NAE1: variants seen among roughly 807,000 people sequenced by gnomAD.
The protein encoded by NAE1 is NEDD8-activating enzyme E1 regulatory subunit.
In NAE1, 59 loss-of-function variants were observed where a neutral mutation model predicts 88.0. The ratio of observed to expected loss-of-function variants is 0.67; its 90% CI spans 0.54 to 0.83. The LOEUF (loss-of-function observed/expected upper bound fraction) is 0.83, where lower values mean the gene tolerates loss of function less well. Among genes scored for constraint, NAE1 ranks in the 40% least tolerant of loss-of-function variants. The probability of loss-of-function intolerance (pLI) is 0.00; values close to 1 mark genes in which losing one functional copy is unlikely to be tolerated. For synonymous variants in NAE1, 186 were observed against 208.9 expected (o/e 0.89, Z 0.95); for missense variants, 554 against 632.8 (o/e 0.88, Z 1.34).
chr16:66,830,691 G>A (rs1356224589), intron 1 of NAE1, among the ~76,000 whole-genome samples, 156 bp downstream of exon 1: 4 of 152,206 alleles, frequency 2.6e-5, no homozygotes, highest in Non-Finnish European at 5.9e-5. Context: ...GCCCAGGGCG[G>A]GAGCTCCGAG....
chr16:66,821,169 T>A (rs531372056), intron 7 of NAE1, among the ~76,000 whole-genome samples: 1 of 152,256 alleles, frequency 6.6e-6, no homozygotes, highest in Non-Finnish European at 1.5e-5. Flanking sequence ...ATGCCCAATG[T>A]GGGTTAGGGG....
intron 11 of NAE1, among the ~76,000 whole-genome samples, chr16:66,815,023 G>A: frequency 6.6e-6 from 1 of 152,182 alleles, no homozygotes; most frequent in East Asian, 1.9e-4. Context: ...ACTTCACTCA[G>A]GCTTCTGCTT....
At chr16:66,804,039 T>A (rs1188679944) in intron 19 of NAE1, among the ~76,000 whole-genome samples, 2 of 152,138 alleles carry the variant, frequency 1.3e-5, no homozygotes, top group East Asian at 3.8e-4. Flanking sequence ...ATAAATAGAA[T>A]GTGTAGTATG....
chr16:66,803,753 G>A (rs898629748), intron 19 of NAE1, among the ~76,000 whole-genome samples: 3 of 151,992 alleles, frequency 2.0e-5, no homozygotes, highest in African/African-American at 7.3e-5. Context: ...ACCACACCTG[G>A]ATAATTTTTT....
intron 7 of NAE1, 129 bp from the exon 8 acceptor site, chr16:66,818,766 G>C: frequency 7.9e-7 from 1 of 1,258,000 alleles, no homozygotes; most frequent in Non-Finnish European, 1.0e-6. Flanking sequence ...AAACTCCTGG[G>C]CTGAAGGGAT....
At chr16:66,806,134 TG>T (rs1285697164) in intron 17 of NAE1, 108 bp from the exon 18 acceptor site, 217 of 1,280,982 alleles carry the variant, frequency 1.7e-4, no homozygotes, top group Non-Finnish European at 2.0e-4. Flanking sequence ...TGTATGAAAC[TG>T]AAGAACAAAA....
rs758613780 is a variant in NAE1, at chr16:66,830,949, A to C, written c.-50T>G. On this transcript the variant is annotated 5_prime_UTR_variant, in exon 1 of 20. Transcript: ENST00000290810. ...AGCCGAGCCCCTGCGGAGCGCCGCC[A>C]CCAGCTCCACAAGCGCGCAGGCGCA... 2.0e-6 allele frequency: 3 copies of C among 1,473,476 alleles called. No homozygotes were observed. The highest frequency in any genetic ancestry group is 1.5e-5 in the African/African-American group (1 of 67,716). The allele number at this position is 1,473,476 out of a possible 1,614,324, so 91.3% of individuals were successfully genotyped here. A position where few individuals can be genotyped will look rare whatever the true frequency, so the allele number is the denominator to read the frequency against.
chr16:66,826,533 C>T lies in NAE1; in HGVS notation c.208G>A (p.Ala70Thr), dbSNP rs1014792978. ...GAGAATAGAACATACTTGTTTCCAG[C>T]ATCTTCTCCGCTGACCTGATTTCCA... The part of the protein sequence containing the change: ...IDGNQVSGED[A>T]GNNFFLQRSS... The change falls in exon 3 of 20, where the codon GCT becomes ACT. Residue 70 changes from alanine (A) to threonine (T), a missense_variant. Coordinates refer to ENST00000290810, the MANE Select transcript of NAE1 (RefSeq NM_003905.4). 1.9e-6 allele frequency: 3 copies of T among 1,614,098 alleles called. No homozygotes were observed. Among genetic ancestry groups the T allele is most frequent in the Middle Eastern group, 1.6e-4 (1 of 6,062 alleles).
chr16:66,817,396 T>C lies in NAE1; in HGVS notation c.684+29A>G, dbSNP rs773252562. On this transcript the variant is annotated intron_variant, in intron 9 of 19. Transcript: ENST00000290810. ...GTAAGAAACTGAAAATACAGTTGCA[T>C]ATGAAATTTTTTTTAAAAAAGGACA... 1.1e-5 allele frequency: 17 copies of C among 1,496,378 alleles called. No homozygotes were observed. In the East Asian group the frequency reaches 2.0e-4, roughly 18 times the overall value. 92.7% of individuals were successfully genotyped at this position (1,496,378 alleles called of 1,614,324 possible). A position where few individuals can be genotyped will look rare whatever the true frequency, so the allele number is the denominator to read the frequency against.
At chr16:66,812,251 A>G (rs1227209649) in intron 13 of NAE1, among the ~76,000 whole-genome samples, 2 of 152,164 alleles carry the variant, frequency 1.3e-5, no homozygotes, top group Non-Finnish European at 2.9e-5. Flanking sequence ...CTGACCTTGT[A>G]TAAGTAACCT....
intron 9 of NAE1, 92 bp downstream of exon 9, chr16:66,817,333 A>C: frequency 8.9e-7 from 1 of 1,117,976 alleles, no homozygotes; most frequent in Non-Finnish European, 1.3e-6. Flanking sequence ...CATAAGGAAA[A>C]AAAATTAATC....
chr16:66,820,900 CAAA>C (rs35671399), intron 7 of NAE1, among the ~76,000 whole-genome samples: 3 of 73,286 alleles, frequency 4.1e-5, no homozygotes, highest in Non-Finnish European at 5.8e-5. Context: ...GACTCCGTCT[CAAA>C]AAAAAAAAAA....
intron 7 of NAE1, among the ~76,000 whole-genome samples, chr16:66,819,413 A>G (rs1455134673): frequency 6.6e-6 from 1 of 152,212 alleles, no homozygotes; most frequent in East Asian, 1.9e-4. Context: ...AGGAGAGTGT[A>G]TAATTTCAGT....
At chr16:66,825,006 T>C (rs1381704013) in intron 3 of NAE1, 121 bp from the exon 4 acceptor site, 1 of 588,050 alleles carries the variant, frequency 1.7e-6, no homozygotes, top group Non-Finnish European at 2.7e-6. Flanking sequence ...GATTACAGAC[T>C]GTAATGGCCT....
In NAE1 at chr16:66,830,945, C is replaced by G. The variant is rs999243166; in HGVS notation, c.-46G>C. ...AAACAGCCGAGCCCCTGCGGAGCGCCGCCACCAGCTCCACAAGCGCGCAGG... is the reference window on the plus strand; with the variant it reads ...AAACAGCCGAGCCCCTGCGGAGCGCGGCCACCAGCTCCACAAGCGCGCAGG... On this transcript the variant is annotated 5_prime_UTR_variant, in exon 1 of 20. Transcript: ENST00000290810. The G allele has an allele frequency of 1.3e-5, 20 of 1,482,762 alleles. No homozygotes were observed. Among genetic ancestry groups the G allele is most frequent in the Non-Finnish European group, 1.6e-5 (18 of 1,122,878 alleles). The allele number at this position is 1,482,762 out of a possible 1,614,324, so 91.9% of individuals were successfully genotyped here. A position where few individuals can be genotyped will look rare whatever the true frequency, so the allele number is the denominator to read the frequency against.
intron 3 of NAE1, 134 bp downstream of exon 3, chr16:66,826,389 T>G (rs112228524): frequency 1.3e-6 from 1 of 782,448 alleles, no homozygotes; most frequent in African/African-American, 1.7e-5. Flanking sequence ...CTATATTATC[T>G]CACTTCCTCA....
Position 66,823,599 on chromosome 16 carries a change from T to C in NAE1, c.251A>G (p.Asn84Ser). ...GAATTCCATGGCAGCTTCAGCTCGG[T>C]TCTTTTTAAAAACAAAGCATTTAAC... is the stretch of plus-strand genomic sequence containing the variant. Reference protein sequence around the residue: ...FFLQRSSIGKNRAEAAMEFLQ... With the variant: ...FFLQRSSIGKSRAEAAMEFLQ... The change falls in exon 5 of 20, where the codon AAC becomes AGC. Residue 84 changes from asparagine to serine, a missense_variant and splice_region_variant. Transcript: ENST00000290810. The C allele has an allele frequency of 6.3e-7, 1 of 1,588,188 alleles. No homozygotes were observed.
At chr16:66,811,254 C>T (rs1439466192) in intron 13 of NAE1, among the ~76,000 whole-genome samples, 1 of 152,130 alleles carries the variant, frequency 6.6e-6, no homozygotes, top group South Asian at 2.1e-4. Flanking sequence ...ACTTCCCACG[C>T]TCAACTGATC....
chr16:66,818,437 G>C, intron 8 of NAE1, 91 bp downstream of exon 8: 1 of 904,428 alleles, frequency 1.1e-6, no homozygotes, highest in Non-Finnish European at 1.6e-6. Context: ...GAAGTTTATA[G>C]GATTTTCTCA....
Sources: allele counts gnomAD v4.1 joint callset (sites outside exome capture counted in the v4.1 genomes callset), GRCh38; gene constraint gnomAD v4.1.1; transcripts MANE v1.5; gene names NCBI Gene and HGNC (gene_info 2026-07-23, HGNC 2026-07-21).